DNAAF10: variants seen among roughly 807,000 people sequenced by gnomAD.
The protein encoded by DNAAF10 is WD repeat domain 92.
A neutral mutation model predicts 43.7 loss-of-function variants in DNAAF10; 28 were observed. The observed-to-expected ratio is 0.64, with a 90% CI of 0.48 to 0.88. DNAAF10 has a LOEUF of 0.88. DNAAF10 is among the 40% of genes least tolerant of loss of function. The pLI is 0.00. For synonymous variants in DNAAF10, 156 were observed against 157.3 expected (o/e 0.99, Z 0.06); for missense variants, 403 against 439.1 (o/e 0.92, Z 0.73).
intron 3 of DNAAF10, among the ~76,000 whole-genome samples, chr2:68,143,807 A>G (rs1274041505): frequency 6.6e-6 from 1 of 152,206 alleles, no homozygotes; most frequent in Non-Finnish European, 1.5e-5. Flanking sequence ...TGGTTGTGGT[A>G]GTGTGGTAGA....
At chr2:68,144,439 T>C in intron 3 of DNAAF10, 146 bp downstream of exon 3, 4 of 1,010,672 alleles carry the variant, frequency 4.0e-6, no homozygotes, top group Non-Finnish European at 5.7e-6. Flanking sequence ...GCAATCAAAC[T>C]TGTCTGTTAA....
At chr2:68,155,057 C>G (rs924689706) in intron 1 of DNAAF10, among the ~76,000 whole-genome samples, 8 of 152,112 alleles carry the variant, frequency 5.3e-5, no homozygotes, top group Non-Finnish European at 7.3e-5. Context: ...CAGGCGTTAG[C>G]CACTGCACCA....
chr2:68,133,452 G>A (rs373610435), intron 7 of DNAAF10, among the ~76,000 whole-genome samples: 79 of 151,958 alleles, frequency 5.2e-4, no homozygotes, highest in African/African-American at 1.5e-3. Context: ...ATACTGCTTC[G>A]ATCTAAAGTG....
Position 68,138,755 on chromosome 2 carries a change from T to A in DNAAF10, c.620A>T (p.Asn207Ile), listed in dbSNP as rs781449809. The A allele has an allele frequency of 6.2e-7, 1 of 1,613,352 alleles. No individual in the cohort carries two copies. Among genetic ancestry groups the A allele is most frequent in the South Asian group, 1.1e-5 (1 of 91,052 alleles). Reference sequence around the variant, plus strand: ...AATGTACTTTACCCCATTTTTGATGTTTGTCTCCCACCGTAATGCCATATT... The same window carrying A: ...AATGTACTTTACCCCATTTTTGATGATTGTCTCCCACCGTAATGCCATATT... ...LRNMALRWETNIKNGVCSLEF... is the reference protein window; with the variant it reads ...LRNMALRWETIIKNGVCSLEF... The change falls in exon 5 of 8, where the codon AAC (asparagine) becomes ATC (isoleucine). Residue 207 changes from asparagine (N) to isoleucine (I), a missense_variant. Asn to Ile is a moderately radical substitution (Grantham distance 149, BLOSUM62 -3). Coordinates refer to ENST00000295121, the MANE Select transcript of DNAAF10 (RefSeq NM_138458.4).
rs1338964904 is a variant in DNAAF10 at position 68,157,285 on chromosome 2, G to T, written c.159C>A (p.His53Gln). 2 of 1,613,876 alleles carry T rather than the reference G, an allele frequency of 1.2e-6. No homozygotes were observed. Among genetic ancestry groups the T allele is most frequent in the African/African-American group, 1.3e-5 (1 of 74,912 alleles). Residue 53 changes from histidine to glutamine, a missense_variant, in exon 1 of 8, where the codon CAC (histidine) becomes CAA (glutamine). Physicochemically the swap from His to Gln is conservative, Grantham distance 24 (BLOSUM62 0). Transcript: ENST00000295121. ...TGVIQLYEIQ[H>Q]GDLKLLREIE... ...CCTCCCGAAGCAGCTTCAGGTCCCC[G>T]TGCTGGATCTCGTACAGCTGAATGA...
intron 1 of DNAAF10, 156 bp downstream of exon 1, chr2:68,157,105 G>A: frequency 9.6e-7 from 1 of 1,038,822 alleles, no homozygotes; most frequent in South Asian, 1.6e-5. Flanking sequence ...TTTTAAATAG[G>A]AAACATTCCT....
Position 68,134,742 on chromosome 2 carries a change from G to C in DNAAF10, c.826C>G (p.Leu276Val), listed in dbSNP as rs1190076312. The change falls in exon 7 of 8, where the codon CTG becomes GTG. Residue 276 changes from leucine (L) to valine (V), a missense_variant. Physicochemically the swap from Leu to Val is conservative, Grantham distance 32 (BLOSUM62 1). Coordinates refer to ENST00000295121, the MANE Select transcript of DNAAF10 (RefSeq NM_138458.4). ...RHLPQNRELF[L>V]TAGGAGGLHL... Reference sequence around the variant, plus strand: ...AGGCCGCCGGCGCCTCCAGCTGTCAGAAAGAGCTCCCTGTTCTGCGGCAGG... The same window carrying C: ...AGGCCGCCGGCGCCTCCAGCTGTCACAAAGAGCTCCCTGTTCTGCGGCAGG... 2 of 1,609,638 alleles carry C rather than the reference G, an allele frequency of 1.2e-6. No homozygotes were observed. The highest frequency in any genetic ancestry group is 1.7e-6 in the Non-Finnish European group (2 of 1,179,022).
chr2:68,134,192 G>C, intron 7 of DNAAF10: 1 of 986,348 alleles, frequency 1.0e-6, no homozygotes, highest in Non-Finnish European at 1.2e-6. Context: ...TAGTATCTGT[G>C]ATGTTAGCGC....
chr2:68,143,355 T>A (rs1673237524), intron 3 of DNAAF10, among the ~76,000 whole-genome samples: 1 of 152,132 alleles, frequency 6.6e-6, no homozygotes, highest in Non-Finnish European at 1.5e-5. Flanking sequence ...GGCTAATTTT[T>A]GTATTTTAGA....
At chr2:68,138,638 G>A (rs1279584335) in intron 5 of DNAAF10, 104 bp downstream of exon 5, 2 of 790,304 alleles carry the variant, frequency 2.5e-6, no homozygotes, top group East Asian at 5.0e-5. Flanking sequence ...GTTGGCAGAG[G>A]GGTTGACTCA....
At chr2:68,143,284 A>T (rs1217444160) in intron 3 of DNAAF10, among the ~76,000 whole-genome samples, 2 of 152,150 alleles carry the variant, frequency 1.3e-5, no homozygotes, top group African/African-American at 2.4e-5. Flanking sequence ...GCCAGGTTCA[A>T]GCAAAACTTG....
chr2:68,153,685 G>C (rs1673511348), intron 1 of DNAAF10, among the ~76,000 whole-genome samples: 1 of 149,328 alleles, frequency 6.7e-6, no homozygotes, highest in South Asian at 2.1e-4. Flanking sequence ...TACTGGACCA[G>C]TATTTAACCT....
At chr2:68,137,221 C>A in intron 6 of DNAAF10, 78 bp downstream of exon 6, 2 of 1,446,680 alleles carry the variant, frequency 1.4e-6, no homozygotes, top group Non-Finnish European at 1.8e-6. Flanking sequence ...TGGAAGAAAC[C>A]TTGGTGACTA....
intron 4 of DNAAF10, among the ~76,000 whole-genome samples, 197 bp downstream of exon 4, chr2:68,141,497 C>G (rs913656302): frequency 5.9e-5 from 9 of 152,202 alleles, no homozygotes; most frequent in Non-Finnish European, 1.0e-4. Context: ...TGCTCCAGGC[C>G]ACATGGCCAA....
At position 68,129,866 on chromosome 2, in the gene DNAAF10, T is replaced by C. The variant is rs893844950; in HGVS notation, c.*1372A>G. 6.6e-6 allele frequency: 1 copy of C among 152,048 alleles called. No homozygotes were observed. The highest frequency in any genetic ancestry group is 6.5e-5 in the Admixed American group (1 of 15,274). The allele number at this position is 152,048 out of a possible 1,614,324, so 9.4% of individuals were successfully genotyped here. The stretch of plus-strand genomic sequence containing the variant: ...GTAACAGAATCAAAGCTTCTGTAGA[T>C]CTCAAAAACAGAAGTTTATTCATAA... On this transcript the variant is annotated 3_prime_UTR_variant, in exon 8 of 8. Coordinates refer to ENST00000295121, the MANE Select transcript of DNAAF10 (RefSeq NM_138458.4).
At chr2:68,140,973 G>A (rs888091027) in intron 4 of DNAAF10, among the ~76,000 whole-genome samples, 1 of 151,986 alleles carries the variant, frequency 6.6e-6, no homozygotes, top group African/African-American at 2.4e-5. Context: ...TAAAGTATAC[G>A]GGAGGATGTG....
chr2:68,141,047 TG>T (rs559604481), intron 4 of DNAAF10, among the ~76,000 whole-genome samples: 47 of 152,208 alleles, frequency 3.1e-4, no homozygotes, highest in African/African-American at 1.1e-3. Flanking sequence ...CCTCCAACAC[TG>T]GGGATTACAA....
intron 1 of DNAAF10, among the ~76,000 whole-genome samples, chr2:68,154,822 T>G (rs1187714448): frequency 6.6e-6 from 1 of 152,076 alleles, no homozygotes; most frequent in African/African-American, 2.4e-5. Context: ...CAGGATGGAG[T>G]GCAGTGGTGC....
At chr2:68,147,944 TTA>T (rs1430069220) in intron 1 of DNAAF10, among the ~76,000 whole-genome samples, 1 of 152,144 alleles carries the variant, frequency 6.6e-6, no homozygotes, top group African/African-American at 2.4e-5. Context: ...AACAAAAATG[TTA>T]TGTGTCTCTT....
Sources: gnomAD v4.1 joint callset for allele counts (sites outside exome capture counted in the v4.1 genomes callset) on GRCh38, gnomAD v4.1.1 for gene constraint, MANE v1.5 for transcripts, NCBI Gene and HGNC (gene_info 2026-07-23, HGNC 2026-07-21) for gene names.